PSMA2: variants seen among roughly 807,000 people sequenced by gnomAD.
The protein encoded by PSMA2 is proteasome 20S subunit alpha 2, also known as proteasome subunit alpha type-2.
In PSMA2, 2 loss-of-function variants were observed where a neutral mutation model predicts 35.9. The ratio of observed to expected loss-of-function variants is 0.06; its 90% CI spans 0.02 to 0.18. The LOEUF is 0.18. PSMA2 is among the 10% of genes least tolerant of loss of function. PSMA2 has a pLI of 1.00. For synonymous variants in PSMA2, 97 were observed against 98.2 expected, an observed-to-expected ratio of 0.99 and a Z score of 0.07; for missense variants, 126 against 278.8, an observed-to-expected ratio of 0.45 and a Z score of 3.90.
intron 5 of PSMA2, among the ~76,000 whole-genome samples, chr7:42,922,889 A>AT (rs1786147415): frequency 6.6e-6 from 1 of 152,200 alleles, no homozygotes; most frequent in South Asian, 2.1e-4. Context: ...CAAGGTACCA[A>AT]TTACACAATC....
chr7:42,922,026 C>G (rs1168211257), intron 5 of PSMA2, 95 bp from the exon 6 acceptor site: 1 of 934,426 alleles, frequency 1.1e-6, no homozygotes, highest in East Asian at 2.5e-5. Flanking sequence ...TAATTGTTCT[C>G]TAACTTCGAA....
chr7:42,924,806 GA>G lies in PSMA2; in HGVS notation c.252-10del. On this transcript the variant is annotated splice_polypyrimidine_tract_variant and intron_variant, in intron 3 of 7. Transcript: ENST00000223321. ...CTCTGTGCACAAGCACTCTAACAAG[GA>G]AAAAATAAGATTTAATTACACAGAA... 2 of 1,602,054 alleles carry G rather than the reference GA, an allele frequency of 1.2e-6. No individual in the cohort carries two copies. Among genetic ancestry groups the G allele is most frequent in the South Asian group, 1.1e-5 (1 of 89,356 alleles).
rs754184831 is a variant in PSMA2, at chr7:42,927,400, G to A, written c.101C>T (p.Pro34Leu). The change falls in exon 2 of 8, where the codon CCG becomes CTG. Residue 34 changes from proline to leucine, a missense_variant. Around this residue, in one of 3 missense-constraint regions of PSMA2, gnomAD observed 78 missense variants for 151.1 expected, o/e 0.52. Transcript: ENST00000223321. Reference sequence around the variant, plus strand: ...TTCATTACCTTTAATTCCCACGGACGGGGCTCCTCCAGCTACAGCAGCCAA... The same window carrying A: ...TTCATTACCTTTAATTCCCACGGACAGGGCTCCTCCAGCTACAGCAGCCAA... Reference protein sequence around the residue: ...YALAAVAGGAPSVGIKAANGV... With the variant: ...YALAAVAGGALSVGIKAANGV... The A allele has an allele frequency of 9.3e-6, 15 of 1,613,754 alleles. No individual in the cohort carries two copies. The highest frequency in any genetic ancestry group is 3.3e-5 in the Admixed American group (2 of 59,992).
At chr7:42,930,263 T>A (rs1214581010) in intron 1 of PSMA2, among the ~76,000 whole-genome samples, 1 of 151,470 alleles carries the variant, frequency 6.6e-6, no homozygotes, top group Non-Finnish European at 1.5e-5. Flanking sequence ...TTGGTTTTTT[T>A]AAAAAAAACT....
intron 1 of PSMA2, among the ~76,000 whole-genome samples, chr7:42,930,638 G>C (rs1313280976): frequency 6.6e-6 from 1 of 151,962 alleles, no homozygotes; most frequent in East Asian, 1.9e-4. Flanking sequence ...AGCTCCACTA[G>C]GATTACACTT....
chr7:42,921,818 T>C (rs546713859), intron 6 of PSMA2, 40 bp downstream of exon 6: 1 of 1,521,736 alleles, frequency 6.6e-7, no homozygotes, highest in East Asian at 2.3e-5. Context: ...AACCATAAAG[T>C]GAGTTTGCTA....
intron 5 of PSMA2, 132 bp downstream of exon 5, chr7:42,923,193 C>A: frequency 1.4e-6 from 1 of 709,436 alleles, no homozygotes; most frequent in Admixed American, 3.0e-5. Flanking sequence ...AATGCACAAC[C>A]TCATACTTTC....
At position 42,920,984 on chromosome 7, in the gene PSMA2, T is replaced by C. The variant is rs558393811; in HGVS notation, c.530+874A>G. 6 of 152,232 alleles carry C rather than the reference T, an allele frequency of 3.9e-5. No individual in the cohort carries two copies. The East Asian group carries it at 9.7e-4, about 25-fold the overall frequency. The allele number at this position is 152,232 out of a possible 1,614,324, so 9.4% of individuals were successfully genotyped here. A position where few individuals can be genotyped will look rare whatever the true frequency, so the allele number is the denominator to read the frequency against. On this transcript the variant is annotated intron_variant, in intron 6 of 7. Transcript: ENST00000223321. ...ATGGAGGGAGAGAGTAGCACAGTGGTTACCAGAGGCTGGGAAGGGAGAAGG... is the reference window on the plus strand; with the variant it reads ...ATGGAGGGAGAGAGTAGCACAGTGGCTACCAGAGGCTGGGAAGGGAGAAGG...
At chr7:42,918,993 T>C in intron 6 of PSMA2, 1 of 233,602 alleles carries the variant, frequency 4.3e-6, no homozygotes, top group South Asian at 5.8e-5. Flanking sequence ...CTGGCTAATT[T>C]TTGTATTTTT....
chr7:42,926,327 T>A (rs576569004), intron 3 of PSMA2, among the ~76,000 whole-genome samples: 88 of 152,336 alleles, frequency 5.8e-4, no homozygotes, highest in Admixed American at 4.8e-3. Context: ...TCTATCTACC[T>A]CCTCTTTCAC....
At chr7:42,925,124 C>CAT (rs1786187141) in intron 3 of PSMA2, among the ~76,000 whole-genome samples, 2 of 152,106 alleles carry the variant, frequency 1.3e-5, no homozygotes, top group East Asian at 1.9e-4. Context: ...AGCCCACACA[C>CAT]ACAAGCACAC....
At chr7:42,931,211 T>C in intron 1 of PSMA2, 1 of 439,502 alleles carries the variant, frequency 2.3e-6, no homozygotes, top group Non-Finnish European at 4.5e-6. Flanking sequence ...AAGGTTAAGT[T>C]GCACCTAACA....
chr7:42,923,129 T>C (rs1786153071), intron 5 of PSMA2, among the ~76,000 whole-genome samples, 196 bp downstream of exon 5: 1 of 152,210 alleles, frequency 6.6e-6, no homozygotes, highest in Non-Finnish European at 1.5e-5. Context: ...GTAGAACTAA[T>C]ACAGCTTCCT....
chr7:42,927,792 G>A (rs1372210726), intron 1 of PSMA2, among the ~76,000 whole-genome samples: 1 of 152,102 alleles, frequency 6.6e-6, no homozygotes, highest in Non-Finnish European at 1.5e-5. Flanking sequence ...TGTAATCCCA[G>A]CTACTTGGGA....
rs180848544 is a variant in PSMA2, at chr7:42,930,069, C to T, written c.41+2049G>A. Among the ~76,000 whole-genome samples, 1,083 of 152,292 alleles carry T rather than the reference C, an allele frequency of 7.1e-3. 14 individuals carry two copies. Among genetic ancestry groups the T allele is most frequent in the Non-Finnish European group, 0.011 (762 of 68,032 alleles). On this transcript the variant is annotated intron_variant, in intron 1 of 7. Coordinates refer to ENST00000223321, the MANE Select transcript of PSMA2 (RefSeq NM_002787.5). Reference sequence around the variant, plus strand: ...GTTTACTCATTTATTGTCAATTCCTCAACCAAATGTAGTCCACAAGAACTG... The same window carrying T: ...GTTTACTCATTTATTGTCAATTCCTTAACCAAATGTAGTCCACAAGAACTG...
chr7:42,927,330 A>C, intron 2 of PSMA2, 53 bp downstream of exon 2: 1 of 1,476,890 alleles, frequency 6.8e-7, no homozygotes, highest in Non-Finnish European at 9.4e-7. Flanking sequence ...GAATTCCAAA[A>C]TAATTAGGAT....
chr7:42,928,885 G>A (rs1312096336), intron 1 of PSMA2, among the ~76,000 whole-genome samples: 1 of 152,096 alleles, frequency 6.6e-6, no homozygotes, highest in Non-Finnish European at 1.5e-5. Flanking sequence ...AAGGGAAGTT[G>A]CCCTGAACCC....
chr7:42,921,996 C>A, intron 5 of PSMA2, 65 bp from the exon 6 acceptor site: 3 of 1,243,226 alleles, frequency 2.4e-6, no homozygotes, highest in Non-Finnish European at 3.4e-6. Flanking sequence ...ATTGCCCTGC[C>A]ATTTAATTTT....
chr7:42,927,632 G>A (rs113183716), intron 1 of PSMA2, among the ~76,000 whole-genome samples, 173 bp from the exon 2 acceptor site: 14 of 152,294 alleles, frequency 9.2e-5, no homozygotes, highest in South Asian at 4.1e-4. Flanking sequence ...ACAGCTGGGC[G>A]CAATGACTCA....
Sources: gnomAD v4.1 joint callset for allele counts (sites outside exome capture counted in the v4.1 genomes callset) on GRCh38, gnomAD v4.1.1 for gene constraint, gnomAD v4.1.1 regional missense constraint, MANE v1.5 for transcripts, NCBI Gene and HGNC (gene_info 2026-07-23, HGNC 2026-07-21) for gene names.